TNR: variants seen among roughly 807,000 people sequenced by gnomAD.
TNR encodes tenascin-R.
A neutral mutation model predicts 150.4 loss-of-function variants in TNR; 45 were observed. The ratio of observed to expected loss-of-function variants is 0.30; its 90% confidence interval spans 0.24 to 0.38. The LOEUF (loss-of-function observed/expected upper bound fraction) is 0.38, where lower values mean the gene tolerates loss of function less well. Ranked by LOEUF, TNR falls within the 10% of genes least tolerant of loss-of-function variation. The probability of loss-of-function intolerance (pLI) is 1.00; values close to 1 mark genes in which losing one functional copy is unlikely to be tolerated. For missense variants in TNR, 1,544 were observed against 1,759.1 expected (o/e 0.88, Z 2.19); for synonymous variants, 687 against 678.4 (o/e 1.01, Z -0.20).
chr1:175,677,965 C>G (rs969187952), intron 1 of TNR, among the ~76,000 whole-genome samples: 18 of 146,508 alleles, frequency 1.2e-4, no homozygotes, highest in Middle Eastern at 6.9e-3. Context: ...GGAATGAGTG[C>G]TTTCCCACCG....
At chr1:175,454,441 C>T (rs859457) in intron 2 of TNR, among the ~76,000 whole-genome samples, 3 of 152,074 alleles carry the variant, frequency 2.0e-5, no homozygotes, top group Non-Finnish European at 4.4e-5. Flanking sequence ...GCAGAGCCCT[C>T]GGAGTATTGG....
chr1:175,468,152 A>G (rs1422905925), intron 2 of TNR, among the ~76,000 whole-genome samples: 1 of 152,154 alleles, frequency 6.6e-6, no homozygotes, highest in Non-Finnish European at 1.5e-5. Context: ...GTTTCTGGAG[A>G]TTTCCAAGGG....
At position 175,322,956 on chromosome 1, in the gene TNR, C is replaced by A. The variant is rs1259074303; in HGVS notation, c.*401G>T. On this transcript the variant is annotated 3_prime_UTR_variant, in exon 23 of 23. Coordinates refer to ENST00000367674, the MANE Select transcript of TNR (RefSeq NM_003285.3). ...TCTCTGGGCCAGTGTGAGAACCTGG[C>A]CATGTCAGGCTGTGACAAAATCACA... 2 of 156,120 alleles carry A rather than the reference C, an allele frequency of 1.3e-5. No homozygotes were observed. The highest frequency in any genetic ancestry group is 4.8e-5 in the African/African-American group (2 of 41,560). 9.7% of individuals were successfully genotyped at this position (156,120 alleles called of 1,614,324 possible).
intron 19 of TNR, among the ~76,000 whole-genome samples, chr1:175,337,038 A>C (rs565780442): frequency 3.2e-4 from 49 of 152,246 alleles, no homozygotes; most frequent in African/African-American, 1.1e-3. Context: ...GACTACAGGC[A>C]TGTGCCACCA....
chr1:175,360,823 G>A (rs1243137367), intron 14 of TNR, among the ~76,000 whole-genome samples: 3 of 152,090 alleles, frequency 2.0e-5, no homozygotes, highest in Non-Finnish European at 4.4e-5. Context: ...ATGATACCAC[G>A]AGACAAACAT....
intron 1 of TNR, among the ~76,000 whole-genome samples, chr1:175,717,924 C>T (rs1202574082): frequency 6.6e-6 from 1 of 152,132 alleles, no homozygotes; most frequent in Admixed American, 6.5e-5. Flanking sequence ...GCCAGCTTCC[C>T]CCAGCAAGTG....
rs908006814 is a variant in TNR, at chr1:175,687,639, C to T, written c.-165+55587G>A. ...AGGTGGTATGCTGAGCTAGCTCATG[C>T]CCAGCCTCATCTCCCATGTGCCTTC... On this transcript the variant is annotated intron_variant, in intron 1 of 22. Transcript: ENST00000367674. Among the ~76,000 whole-genome samples the T allele has an allele frequency of 2.0e-5, 3 of 152,174 alleles. 1 individual carries two copies. The highest frequency in any genetic ancestry group is 7.2e-5 in the African/African-American group (3 of 41,426).
intron 1 of TNR, among the ~76,000 whole-genome samples, chr1:175,601,555 G>A (rs1351086283): frequency 6.6e-6 from 1 of 152,136 alleles, no homozygotes; most frequent in Non-Finnish European, 1.5e-5. Flanking sequence ...TTTGAAAATA[G>A]GGATAATTAT....
chr1:175,615,870 T>G (rs1245053752), intron 1 of TNR, among the ~76,000 whole-genome samples: 1 of 152,226 alleles, frequency 6.6e-6, no homozygotes, highest in Non-Finnish European at 1.5e-5. Flanking sequence ...TTACTTTGCA[T>G]AGTAGTTAAG....
chr1:175,720,357 T>C (rs1667265535), intron 1 of TNR, among the ~76,000 whole-genome samples: 1 of 152,152 alleles, frequency 6.6e-6, no homozygotes, highest in South Asian at 2.1e-4. Flanking sequence ...TTAGCCAGAA[T>C]CTTAATCTTG....
chr1:175,402,787 A>C (rs1653774473), intron 4 of TNR, among the ~76,000 whole-genome samples: 1 of 152,134 alleles, frequency 6.6e-6, no homozygotes, highest in African/African-American at 2.4e-5. Flanking sequence ...GAGTTAGAGA[A>C]TGGCCTTGCC....
At position 175,403,242 on chromosome 1, in the gene TNR, A is replaced by G. The variant is rs774529810; in HGVS notation, c.874T>C (p.Cys292Arg). ...LCEEGYVGEDCGQRQCLNACS... is the reference protein window; with the variant it reads ...LCEEGYVGEDRGQRQCLNACS... ...GCATTCAGACACTGCCGCTGGCCGC[A>G]GTCCTCACCAACGTAGCCCTCCTCG... The change falls in exon 4 of 23, where the codon TGC becomes CGC. Residue 292 changes from cysteine to arginine, a missense_variant. Coordinates refer to ENST00000367674, the MANE Select transcript of TNR (RefSeq NM_003285.3). 7.4e-6 allele frequency: 12 copies of G among 1,614,130 alleles called. No individual in the cohort carries two copies. Among genetic ancestry groups the G allele is most frequent in the Non-Finnish European group, 9.3e-6 (11 of 1,180,020 alleles).
chr1:175,651,673 A>G (rs1490025438), intron 1 of TNR, among the ~76,000 whole-genome samples: 1 of 152,074 alleles, frequency 6.6e-6, no homozygotes, highest in Non-Finnish European at 1.5e-5. Context: ...ACATCATACA[A>G]GTTGTTTCAG....
chr1:175,728,588 G>A (rs138921952), intron 1 of TNR, among the ~76,000 whole-genome samples: 129 of 152,300 alleles, frequency 8.5e-4, no homozygotes, highest in African/African-American at 2.8e-3. Flanking sequence ...GCTTCCTTTG[G>A]TTCTTGCCTT....
At chr1:175,605,055 A>G (rs1663366582) in intron 1 of TNR, among the ~76,000 whole-genome samples, 1 of 152,200 alleles carries the variant, frequency 6.6e-6, no homozygotes, top group Non-Finnish European at 1.5e-5. Flanking sequence ...AAGTGTAGGC[A>G]AAAGATGGAA....
rs746082642 is a variant in TNR, at chr1:175,363,788, G to A, written c.2627C>T (p.Thr876Ile). ...CCAGGAGACCATCACTGAGTCCTTG[G>A]TCACATTGCTAATTGTGATGTCTTT... ...PPKDITISNVTKDSVMVSWSP... is the reference protein window; with the variant it reads ...PPKDITISNVIKDSVMVSWSP... Residue 876 changes from threonine (T) to isoleucine (I), a missense_variant, in exon 13 of 23, where the codon ACC becomes ATC. Around this residue, in one of 2 missense-constraint regions of TNR, gnomAD observed 1,254 missense variants for 1,329.4 expected, o/e 0.94. Coordinates refer to ENST00000367674, the MANE Select transcript of TNR (RefSeq NM_003285.3). The A allele has an allele frequency of 3.4e-5, 55 of 1,613,642 alleles. No homozygotes were observed. Among genetic ancestry groups the A allele is most frequent in the Non-Finnish European group, 4.6e-5 (54 of 1,179,802 alleles).
At chr1:175,506,494 G>T (rs992375260) in intron 2 of TNR, among the ~76,000 whole-genome samples, 1 of 152,200 alleles carries the variant, frequency 6.6e-6, no homozygotes, top group Non-Finnish European at 1.5e-5. Context: ...AGCCGTTAGG[G>T]TGGGCCCTAG....
chr1:175,376,576 C>T (rs2859052), intron 9 of TNR, among the ~76,000 whole-genome samples: 4 of 151,870 alleles, frequency 2.6e-5, no homozygotes, highest in Non-Finnish European at 4.4e-5. Flanking sequence ...TAACTTTTTA[C>T]GCTCCAAGTT....
intron 2 of TNR, among the ~76,000 whole-genome samples, chr1:175,471,659 T>C (rs570308801): frequency 1.3e-5 from 2 of 152,348 alleles, no homozygotes; most frequent in East Asian, 3.9e-4. Context: ...GGTGAGTCAC[T>C]GTGTGAGTGG....
Sources: allele counts gnomAD v4.1 joint callset (sites outside exome capture counted in the v4.1 genomes callset), GRCh38; gene constraint gnomAD v4.1.1; regional missense constraint gnomAD v4.1.1; transcripts MANE v1.5; gene names NCBI Gene and HGNC (gene_info 2026-07-23, HGNC 2026-07-21).